The following PRRC2B variants were observed in gnomAD, a reference collection of about 807,000 sequenced individuals.
PRRC2B encodes the protein proline rich coiled-coil 2B.
In PRRC2B, 68 loss-of-function variants were observed where a neutral mutation model predicts 242.3. The observed-to-expected ratio is 0.28, with a 90% CI of 0.23 to 0.34. The LOEUF (loss-of-function observed/expected upper bound fraction) is 0.34. PRRC2B is among the 10% of genes least tolerant of loss of function. The probability of loss-of-function intolerance (pLI) is 1.00; values close to 1 mark genes in which losing one functional copy is unlikely to be tolerated. For synonymous variants in PRRC2B, 1,228 were observed against 1,173.6 expected, an observed-to-expected ratio of 1.05 and a Z score of -0.95; for missense variants, 2,835 against 2,954.8, an observed-to-expected ratio of 0.96 and a Z score of 0.94.
chr9:131,486,209 G>T (rs753804777), intron 26 of PRRC2B, 27 bp downstream of exon 26: 2 of 1,495,390 alleles, frequency 1.3e-6, no homozygotes, highest in South Asian at 2.3e-5. Context: ...AGGTGGCCTG[G>T]CTGGGGGTGG....
At chr9:131,394,038 G>A (rs1836965557), upstream of PRRC2B, 1 of 150,182 alleles carries the variant, frequency 6.7e-6, no homozygotes, top group African/African-American at 2.4e-5. Flanking sequence ...GGAGGCGGGG[G>A]CGGCGGCAGG....
intron 1 of PRRC2B, among the ~76,000 whole-genome samples, chr9:131,413,106 T>C (rs1325153284): frequency 6.6e-6 from 1 of 152,260 alleles, no homozygotes; most frequent in Non-Finnish European, 1.5e-5. Context: ...TCTTAGCTCC[T>C]ACAATTTAGC....
At chr9:131,403,957 AGGGATGTGG>A (rs1003939817) in intron 1 of PRRC2B, among the ~76,000 whole-genome samples, 1 of 150,950 alleles carries the variant, frequency 6.6e-6, no homozygotes, top group Non-Finnish European at 1.5e-5. Flanking sequence ...TTTCTTCCTT[AGGGATGTGG>A]GGGTGGGTCT....
intron 1 of PRRC2B, among the ~76,000 whole-genome samples, chr9:131,409,798 C>A (rs1837459391): frequency 6.6e-6 from 1 of 152,160 alleles, no homozygotes; most frequent in South Asian, 2.1e-4. Flanking sequence ...GTGTCAGTGG[C>A]CCTCAGAAAC....
In PRRC2B at chr9:131,496,845, C is replaced by T. The variant is rs10751482; in HGVS notation, c.*971C>T. ...GCCCAGATGGGGTGAGCTGACATACCACAGGCCCATCCCAGGCCCCGTGGG... is the reference window on the plus strand; with the variant it reads ...GCCCAGATGGGGTGAGCTGACATACTACAGGCCCATCCCAGGCCCCGTGGG... On this transcript the variant is annotated 3_prime_UTR_variant, in exon 32 of 32. Transcript: ENST00000683519. 0.73 allele frequency: 111,678 copies of T among 152,106 alleles called. 41,849 individuals are homozygous for T. Among genetic ancestry groups the T allele is most frequent in the East Asian group, 0.94 (4,851 of 5,172 alleles). 9.4% of individuals were successfully genotyped at this position (152,106 alleles called of 1,614,324 possible). A position where few individuals can be genotyped will look rare whatever the true frequency, so the allele number is the denominator to read the frequency against.
chr9:131,378,526 A>G (rs1183254470), intron 1 of PRRC2B, among the ~76,000 whole-genome samples: 1 of 152,082 alleles, frequency 6.6e-6, no homozygotes, highest in Non-Finnish European at 1.5e-5. Flanking sequence ...CCCCACCTGC[A>G]AAAGTTCCCC....
chr9:131,411,102 A>G (rs1324681043), intron 1 of PRRC2B, among the ~76,000 whole-genome samples: 2 of 151,920 alleles, frequency 1.3e-5, no homozygotes, highest in Non-Finnish European at 2.9e-5. Flanking sequence ...CTAAAAATAA[A>G]AAGAATTAGC....
rs1944068014 is a variant in PRRC2B at position 131,487,754 on chromosome 9, G to A, written c.5985-102G>A. On this transcript the variant is annotated intron_variant, in intron 27 of 31. Transcript: ENST00000683519. The surrounding 1 kb of genome is among the most constrained non-coding windows in gnomAD (Gnocchi z 5.3). ...GTCGCGCTCTGGGGGTGGGGCCGGGGATCTGTGGTTTAGCAAGCTCTCCGG... is the reference window on the plus strand; with the variant it reads ...GTCGCGCTCTGGGGGTGGGGCCGGGAATCTGTGGTTTAGCAAGCTCTCCGG... The A allele has an allele frequency of 1.4e-6, 2 of 1,478,456 alleles. No individual in the cohort carries two copies. Among genetic ancestry groups the A allele is most frequent in the Non-Finnish European group, 1.8e-6 (2 of 1,101,176 alleles). 91.6% of individuals were successfully genotyped at this position (1,478,456 alleles called of 1,614,324 possible).
At position 131,499,178 on chromosome 9, in the gene PRRC2B, G is replaced by C. The variant is rs989184532; in HGVS notation, c.*3304G>C. 6.6e-6 allele frequency: 1 copy of C among 152,150 alleles called. No homozygotes were observed. Among genetic ancestry groups the C allele is most frequent in the Non-Finnish European group, 1.5e-5 (1 of 68,042 alleles). The allele number at this position is 152,150 out of a possible 1,614,324, so 9.4% of individuals were successfully genotyped here. On this transcript the variant is annotated 3_prime_UTR_variant, in exon 32 of 32. Coordinates refer to ENST00000683519, the MANE Select transcript of PRRC2B (RefSeq NM_013318.4). ...ACGTTGACATCAGTGCTCTCCAGCC[G>C]TGCTGTCACCCTCCTATCTTCTGGA...
chr9:131,486,075 C>G lies in PRRC2B; in HGVS notation c.5759-10C>G. 6.3e-7 allele frequency: 1 copy of G among 1,596,326 alleles called. No individual in the cohort carries two copies. The highest frequency in any genetic ancestry group is 8.6e-7 in the Non-Finnish European group (1 of 1,166,124). On this transcript the variant is annotated splice_polypyrimidine_tract_variant and intron_variant, in intron 25 of 31. Transcript: ENST00000683519. ...CCTCTTCTACGTCCCTTTTGCCGCT[C>G]TGTTTCCAGGCAGCCACCTCCCGCC...
At chr9:131,461,421 T>A (rs1223832711) in intron 11 of PRRC2B, among the ~76,000 whole-genome samples, 2 of 152,178 alleles carry the variant, frequency 1.3e-5, no homozygotes, top group African/African-American at 4.8e-5. Flanking sequence ...GCTCCTGGCT[T>A]GCATTGCCAC....
At chr9:131,492,076 C>G (rs1031340624) in intron 29 of PRRC2B, 93 bp from the exon 30 acceptor site, 3 of 987,396 alleles carry the variant, frequency 3.0e-6, no homozygotes, top group Admixed American at 3.6e-5. Context: ...TCCCATGGCC[C>G]TCACCACCTC....
Position 131,470,947 on chromosome 9 carries a change from C to G in PRRC2B, c.2071C>G (p.Pro691Ala). The change falls in exon 14 of 32, where the codon CCG becomes GCG. Residue 691 changes from proline (P) to alanine (A), a missense_variant. By Grantham distance (27) the Pro-to-Ala change is conservative. Around this residue, in one of 7 missense-constraint regions of PRRC2B, gnomAD observed 1,536 missense variants for 1,483.1 expected, o/e 1.04. Coordinates refer to ENST00000683519, the MANE Select transcript of PRRC2B (RefSeq NM_013318.4). The stretch of plus-strand genomic sequence containing the variant: ...CCCACGTATCACGCCCACTCGGACC[C>G]CGGTGGACTTCTACCCCTCCGCCCT... ...MDPRITPTRT[P>A]VDFYPSALHP... is the part of the protein sequence containing the mutation. The G allele has an allele frequency of 6.2e-7, 1 of 1,612,602 alleles. No homozygotes were observed. Among genetic ancestry groups the G allele is most frequent in the Non-Finnish European group, 8.5e-7 (1 of 1,179,188 alleles).
chr9:131,401,052 C>T (rs1009621667), intron 1 of PRRC2B, among the ~76,000 whole-genome samples: 2 of 151,498 alleles, frequency 1.3e-5, no homozygotes, highest in South Asian at 2.1e-4. Context: ...ACCTCTACCT[C>T]TCGGGTTCAA....
At chr9:131,431,501 G>A (rs1035600644) in intron 2 of PRRC2B, among the ~76,000 whole-genome samples, 6 of 152,090 alleles carry the variant, frequency 3.9e-5, no homozygotes, top group Admixed American at 2.6e-4. Context: ...CCGACCTTAG[G>A]TGATCCACCC....
In PRRC2B at chr9:131,485,118, A is replaced by G; in HGVS notation, c.5736A>G (p.Val1912=). 6.3e-7 allele frequency: 1 copy of G among 1,594,766 alleles called. No homozygotes were observed. The highest frequency in any genetic ancestry group is 8.6e-7 in the Non-Finnish European group (1 of 1,169,478). The change falls in exon 25 of 32, where the codon GTA becomes GTG. Residue 1912 remains valine, a synonymous_variant. Coordinates refer to ENST00000683519, the MANE Select transcript of PRRC2B (RefSeq NM_013318.4). The part of the protein sequence containing the change: ...VSMPPMPVAS[V]APSASMPGSH... ...TGCCACCCATGCCTGTGGCCTCTGT[A>G]GCACCTTCTGCTTCTATGCCAGGTA...
At chr9:131,472,916 T>C (rs1021677572) in intron 14 of PRRC2B, among the ~76,000 whole-genome samples, 1 of 152,270 alleles carries the variant, frequency 6.6e-6, no homozygotes, top group African/African-American at 2.4e-5. Flanking sequence ...CTACATTTCA[T>C]TTCTATATGT....
At chr9:131,377,122 T>TA (rs1212774092) in intron 1 of PRRC2B, among the ~76,000 whole-genome samples, 2 of 74,104 alleles carry the variant, frequency 2.7e-5, no homozygotes, top group East Asian at 5.2e-4. Flanking sequence ...TACAATTAAT[T>TA]TTTTTTTTTT....
intron 11 of PRRC2B, among the ~76,000 whole-genome samples, chr9:131,459,714 T>G (rs1943187139): frequency 1.3e-5 from 2 of 152,104 alleles, no homozygotes; most frequent in South Asian, 4.1e-4. Flanking sequence ...ATTTCATTCA[T>G]TTTTTGTAGA....
Sources: allele counts gnomAD v4.1 joint callset (sites outside exome capture counted in the v4.1 genomes callset), GRCh38; gene constraint gnomAD v4.1.1; regional missense constraint gnomAD v4.1.1; non-coding constraint Gnocchi (gnomAD v3.1); transcripts MANE v1.5; gene names NCBI Gene and HGNC (gene_info 2026-07-23, HGNC 2026-07-21).